The following RIMBP2 variants were observed in gnomAD, a reference collection of about 807,000 sequenced individuals.
RIMBP2 encodes RIMS-binding protein 2.
A neutral mutation model predicts 118.6 loss-of-function variants in RIMBP2; 48 were observed. That is an observed-to-expected ratio of 0.40 (90% CI 0.32 to 0.51). The LOEUF (loss-of-function observed/expected upper bound fraction) is 0.51. Among genes scored for constraint, RIMBP2 ranks in the 20% least tolerant of loss-of-function variants. RIMBP2 has a pLI of 0.41. For missense variants in RIMBP2, 1,551 were observed against 1,768.3 expected (o/e 0.88, Z 2.20); for synonymous variants, 762 against 742.9 (o/e 1.03, Z -0.42).
Position 130,424,625 on chromosome 12 carries a change from G to A in RIMBP2, c.2646C>T (p.Ser882=). 1 of 1,231,912 alleles carries A rather than the reference G, an allele frequency of 8.1e-7. No homozygotes were observed. The highest frequency in any genetic ancestry group is 1.0e-6 in the Non-Finnish European group (1 of 987,814). 76.3% of individuals were successfully genotyped at this position (1,231,912 alleles called of 1,614,324 possible). ...PYRGDEAPRG[S]WFPVKHRGSG... Reference sequence around the variant, plus strand: ...AGCCCCTGTGCTTCACCGGGAACCAGGAGCCCCGAGGGGCCTCGTCGCCCC... The same window carrying A: ...AGCCCCTGTGCTTCACCGGGAACCAAGAGCCCCGAGGGGCCTCGTCGCCCC... The change falls in exon 16 of 23, where the codon TCC becomes TCT. Residue 882 remains serine, a synonymous_variant. Coordinates refer to ENST00000690449, the MANE Select transcript of RIMBP2 (RefSeq NM_001393629.1). The surrounding 1 kb of genome is among the most constrained non-coding windows in gnomAD (Gnocchi z 9.8).
intron 1 of RIMBP2, among the ~76,000 whole-genome samples, chr12:130,641,943 T>G (rs2062641564): frequency 6.6e-6 from 1 of 152,178 alleles, no homozygotes; most frequent in South Asian, 2.1e-4. Flanking sequence ...CCTGACTCTA[T>G]AGATAAGCCA....
intron 12 of RIMBP2, 30 bp downstream of exon 12, chr12:130,438,335 A>AACCCCCCC: frequency 1.2e-6 from 1 of 865,012 alleles, no homozygotes; most frequent in Non-Finnish European, 1.9e-6. Flanking sequence ...GGCCTAACAA[A>AACCCCCCC]CCCTCCCCAC....
chr12:130,646,129 C>T (rs1435842222), intron 1 of RIMBP2, among the ~76,000 whole-genome samples: 1 of 109,782 alleles, frequency 9.1e-6, no homozygotes, highest in East Asian at 2.5e-4. Flanking sequence ...CCACCTGCCT[C>T]TCCACCTCCC....
chr12:130,500,868 G>T (rs1342218664), intron 4 of RIMBP2, among the ~76,000 whole-genome samples: 1 of 149,960 alleles, frequency 6.7e-6, no homozygotes, highest in African/African-American at 2.5e-5. Flanking sequence ...TGAGCTTCAT[G>T]CTTTAACCCA....
intron 2 of RIMBP2, among the ~76,000 whole-genome samples, chr12:130,559,368 C>T (rs1480173143): frequency 1.3e-5 from 2 of 152,074 alleles, no homozygotes; most frequent in East Asian, 1.9e-4. Context: ...TCTCTGCCCC[C>T]GTGAGTTCGA....
chr12:130,539,135 C>G (rs2054334737), intron 2 of RIMBP2, among the ~76,000 whole-genome samples: 1 of 152,124 alleles, frequency 6.6e-6, no homozygotes, highest in South Asian at 2.1e-4. Flanking sequence ...CCAAAAATCC[C>G]TATCATCAGT....
chr12:130,525,183 A>G lies in RIMBP2; in HGVS notation c.-216-7266T>C, dbSNP rs1013700708. Among the ~76,000 whole-genome samples the G allele has an allele frequency of 6.6e-6, 1 of 152,224 alleles. No homozygotes were observed. The highest frequency in any genetic ancestry group is 2.4e-5 in the African/African-American group (1 of 41,450). The stretch of plus-strand genomic sequence containing the variant: ...GGCATGAGCCGTTCCTGTAGAGTGC[A>G]GGGCAGAAGCAATGGGAAGCCAGCT... On this transcript the variant is annotated intron_variant, in intron 2 of 22. Transcript: ENST00000690449. The surrounding 1 kb of genome is among the most constrained non-coding windows in gnomAD (Gnocchi z 4.4).
chr12:130,424,901 G>GTGGT lies in RIMBP2; in HGVS notation c.2413-47_2413-44dup. The GTGGT allele has an allele frequency of 1.7e-6, 2 of 1,164,838 alleles. No individual in the cohort carries two copies. Among genetic ancestry groups the GTGGT allele is most frequent in the Non-Finnish European group, 2.2e-6 (2 of 926,782 alleles). The allele number at this position is 1,164,838 out of a possible 1,614,324, so 72.2% of individuals were successfully genotyped here. ...CAAGAACAGGCGCGGGAAAGAGTGT[G>GTGGT]TGGTCAGCATGAAGTGGGGGCCAGG... On this transcript the variant is annotated intron_variant, in intron 15 of 22. Coordinates refer to ENST00000690449, the MANE Select transcript of RIMBP2 (RefSeq NM_001393629.1). This position sits in a 1 kb window ranked among gnomAD's most constrained non-coding sequence, Gnocchi z 9.8.
intron 21 of RIMBP2, among the ~76,000 whole-genome samples, chr12:130,405,415 G>T (rs1458496601): frequency 6.6e-6 from 1 of 152,198 alleles, no homozygotes; most frequent in Non-Finnish European, 1.5e-5. Flanking sequence ...TTCTGATAAA[G>T]GCGGTGGGGG....
At chr12:130,640,436 G>A (rs745707332) in intron 1 of RIMBP2, among the ~76,000 whole-genome samples, 4 of 152,160 alleles carry the variant, frequency 2.6e-5, no homozygotes, top group Non-Finnish European at 4.4e-5. Context: ...TCAGTGTATC[G>A]TGCTATTTTC....
intron 1 of RIMBP2, among the ~76,000 whole-genome samples, chr12:130,645,493 C>T (rs781353879): frequency 1.3e-5 from 2 of 152,226 alleles, no homozygotes; most frequent in East Asian, 1.9e-4. Context: ...AACCAGCCAG[C>T]ACCTTCCACC....
intron 1 of RIMBP2, among the ~76,000 whole-genome samples, chr12:130,714,373 C>T (rs1456814007): frequency 6.6e-6 from 1 of 152,232 alleles, no homozygotes; most frequent in African/African-American, 2.4e-5. Flanking sequence ...ACCACCCACG[C>T]CCACCCCCGG....
intron 15 of RIMBP2, chr12:130,426,648 G>C (rs867339010): frequency 6.6e-6 from 1 of 152,456 alleles, no homozygotes; most frequent in South Asian, 2.1e-4. Flanking sequence ...TCCTGGCCAA[G>C]CTCCAGCCCC....
In RIMBP2 at chr12:130,700,851, C is replaced by T. The variant is rs534922323; in HGVS notation, c.-352+15371G>A. The stretch of plus-strand genomic sequence containing the variant: ...ACCTTGTGAGCACCTCCTGTGCACA[C>T]CTTGTGAGCGCCCACTGCATACACT... On this transcript the variant is annotated intron_variant, in intron 1 of 22. Transcript: ENST00000690449. 2.6e-5 allele frequency among the ~76,000 whole-genome samples: 4 copies of T among 152,316 alleles called. No individual in the cohort carries two copies. In the East Asian group the frequency reaches 5.8e-4, roughly 22 times the overall value.
At chr12:130,589,800 C>G (rs931495826) in intron 2 of RIMBP2, among the ~76,000 whole-genome samples, 7 of 152,132 alleles carry the variant, frequency 4.6e-5, no homozygotes, top group African/African-American at 1.4e-4. Context: ...TGAACCCACC[C>G]TGATTCCCAG....
chr12:130,660,520 G>C (rs1276387858), intron 1 of RIMBP2: 1 of 152,190 alleles, frequency 6.6e-6, no homozygotes, highest in Non-Finnish European at 1.5e-5. Context: ...TGAATATGGA[G>C]AAATCTGGAC....
chr12:130,509,040 A>ACCCCCGG (rs938661265), intron 3 of RIMBP2, among the ~76,000 whole-genome samples: 22 of 150,922 alleles, frequency 1.5e-4, no homozygotes, highest in Admixed American at 9.9e-4. Context: ...GATCAGCATG[A>ACCCCCGG]CCCCCGGCCC....
chr12:130,696,160 C>T (rs1379531913), intron 1 of RIMBP2, among the ~76,000 whole-genome samples: 1 of 152,166 alleles, frequency 6.6e-6, no homozygotes, highest in Non-Finnish European at 1.5e-5. Flanking sequence ...AGCAGGCTGA[C>T]GTGTCCACAA....
At chr12:130,477,025 T>C (rs1281575901) in intron 5 of RIMBP2, among the ~76,000 whole-genome samples, 1 of 152,214 alleles carries the variant, frequency 6.6e-6, no homozygotes, top group East Asian at 1.9e-4. Flanking sequence ...CCTCTTCTCA[T>C]GCTTAAAAAC....
Sources: gnomAD v4.1 joint callset for allele counts (sites outside exome capture counted in the v4.1 genomes callset) on GRCh38, gnomAD v4.1.1 for gene constraint, Gnocchi (gnomAD v3.1) non-coding constraint, MANE v1.5 for transcripts, NCBI Gene and HGNC (gene_info 2026-07-23, HGNC 2026-07-21) for gene names.